Variants in FRAS1 observed in about 807,000 individuals in gnomAD.
FRAS1 encodes the protein extracellular matrix organizing protein FRAS1.
In FRAS1, 290 loss-of-function variants were observed where a neutral mutation model predicts 435.2. The observed-to-expected ratio is 0.67, with a 90% CI of 0.61 to 0.73. The LOEUF is 0.73. Ranked by LOEUF, FRAS1 falls within the 30% of genes least tolerant of loss-of-function variation. The pLI is 0.00. For synonymous variants in FRAS1, 1,800 were observed against 1,851.0 expected (o/e 0.97, Z 0.71); for missense variants, 4,860 against 5,001.5 (o/e 0.97, Z 0.85).
chr4:78,540,212 T>C (rs777480168), intron 73 of FRAS1, among the ~76,000 whole-genome samples: 2 of 152,252 alleles, frequency 1.3e-5, no homozygotes, highest in African/African-American at 2.4e-5. Context: ...ATTATTTCAC[T>C]GCTATCAATA....
chr4:78,230,465 ATTGT>A (rs139003762), intron 2 of FRAS1, among the ~76,000 whole-genome samples: 2,766 of 152,306 alleles, frequency 0.018, 66 homozygotes, highest in African/African-American at 0.048. Flanking sequence ...TAGAAAAGGT[ATTGT>A]TTATCTAAGC....
At chr4:78,463,373 TC>T (rs1719430586) in intron 47 of FRAS1, among the ~76,000 whole-genome samples, 1 of 152,210 alleles carries the variant, frequency 6.6e-6, no homozygotes, top group Non-Finnish European at 1.5e-5. Flanking sequence ...ATATTGTTTT[TC>T]CAGGTCATTT....
At chr4:78,468,857 T>TTTCCCC (rs1719618524) in intron 50 of FRAS1, among the ~76,000 whole-genome samples, 1 of 152,192 alleles carries the variant, frequency 6.6e-6, no homozygotes, top group Non-Finnish European at 1.5e-5. Context: ...AGGATCCACT[T>TTTCCCC]CTCAGGCCTG....
chr4:78,067,143 G>A (rs554950202), intron 2 of FRAS1, among the ~76,000 whole-genome samples: 18 of 152,104 alleles, frequency 1.2e-4, no homozygotes, highest in African/African-American at 4.3e-4. Context: ...ATTGTGTAGA[G>A]TACTTCATAA....
rs371775373 is a variant in FRAS1 at position 78,441,154 on chromosome 4, T to A, written c.5530-8T>A. On this transcript the variant is annotated splice_polypyrimidine_tract_variant and splice_region_variant and intron_variant, in intron 40 of 73. Coordinates refer to ENST00000512123, the MANE Select transcript of FRAS1 (RefSeq NM_025074.7). The stretch of plus-strand genomic sequence containing the variant: ...ACCAAGGACTCTCTATGTTCTTTTC[T>A]TTCTTAGGTTGATGAGGGAGGGAGA... The A allele has an allele frequency of 1.9e-6, 3 of 1,613,510 alleles. No individual in the cohort carries two copies. The African/African-American group carries it at 4.0e-5, about 22-fold the overall frequency.
intron 41 of FRAS1, among the ~76,000 whole-genome samples, chr4:78,443,676 CA>C (rs1182755148): frequency 2.0e-5 from 3 of 152,130 alleles, no homozygotes; most frequent in African/African-American, 7.2e-5. Flanking sequence ...AAGCAGGTAG[CA>C]CATTAATAAG....
chr4:78,537,295 TG>T, intron 72 of FRAS1, 95 bp downstream of exon 72: 2 of 1,129,676 alleles, frequency 1.8e-6, no homozygotes, highest in Non-Finnish European at 2.5e-6. Flanking sequence ...AGCTCACTCT[TG>T]ATATTTTCTT....
intron 26 of FRAS1, among the ~76,000 whole-genome samples, chr4:78,378,207 A>G (rs2110317127): frequency 6.6e-6 from 1 of 152,282 alleles, no homozygotes; most frequent in Non-Finnish European, 1.5e-5. Context: ...TTTACTTAGC[A>G]TAATATTTTC....
intron 2 of FRAS1, among the ~76,000 whole-genome samples, chr4:78,079,207 T>C (rs575657595): frequency 2.0e-5 from 3 of 152,248 alleles, no homozygotes; most frequent in African/African-American, 7.2e-5. Flanking sequence ...CTTTCTGTGA[T>C]TGGGGTCTCA....
chr4:78,129,774 T>C (rs1029153655), intron 2 of FRAS1, among the ~76,000 whole-genome samples: 2 of 152,212 alleles, frequency 1.3e-5, no homozygotes, highest in South Asian at 2.1e-4. Context: ...TGGTCCCTCA[T>C]TGATCTGAGG....
intron 63 of FRAS1, 33 bp downstream of exon 63, chr4:78,509,039 C>A (rs911598057): frequency 6.2e-7 from 1 of 1,603,854 alleles, no homozygotes; most frequent in Admixed American, 1.7e-5. Context: ...GGTTCTCCCT[C>A]CCTGGGAGAG....
intron 14 of FRAS1, among the ~76,000 whole-genome samples, chr4:78,294,481 T>TTA (rs1046022505): frequency 1.3e-5 from 2 of 152,280 alleles, no homozygotes; most frequent in Admixed American, 6.5e-5. Context: ...TGTTGTCGAT[T>TTA]TAGGAATATA....
chr4:78,098,573 C>G (rs988953100), intron 2 of FRAS1, among the ~76,000 whole-genome samples: 1 of 152,124 alleles, frequency 6.6e-6, no homozygotes, highest in African/African-American at 2.4e-5. Context: ...CCGCTCCTGG[C>G]AGGATAGATC....
intron 6 of FRAS1, among the ~76,000 whole-genome samples, chr4:78,262,292 C>T (rs776672677): frequency 5.3e-5 from 8 of 152,176 alleles, no homozygotes; most frequent in Non-Finnish European, 7.4e-5. Context: ...ACTCCCTCTT[C>T]TTCCCCAGCA....
chr4:78,409,988 T>C (rs1733270073), intron 31 of FRAS1, among the ~76,000 whole-genome samples: 1 of 152,216 alleles, frequency 6.6e-6, no homozygotes. Flanking sequence ...CTGAGCACAC[T>C]GAATTTCCAA....
intron 18 of FRAS1, among the ~76,000 whole-genome samples, chr4:78,328,788 G>A (rs1190939123): frequency 6.6e-6 from 1 of 152,072 alleles, no homozygotes; most frequent in African/African-American, 2.4e-5. Flanking sequence ...GGCACCAAAG[G>A]GCTACTTAAA....
chr4:78,282,982 C>G lies in FRAS1; in HGVS notation c.1255+15C>G, dbSNP rs560207755. On this transcript the variant is annotated intron_variant, in intron 12 of 73. Transcript: ENST00000512123. The stretch of plus-strand genomic sequence containing the variant: ...CTGCACATCAGGTGGGTCCATGTCT[C>G]CTCTGTTTCTACTGAGATAGTTTTA... 6.9e-7 allele frequency: 1 copy of G among 1,453,442 alleles called. No homozygotes were observed. The highest frequency in any genetic ancestry group is 2.7e-5 in the Admixed American group (1 of 36,802). The allele number at this position is 1,453,442 out of a possible 1,614,324, so 90.0% of individuals were successfully genotyped here.
At position 78,446,871 on chromosome 4, in the gene FRAS1, C is replaced by T. The variant is rs1389716946; in HGVS notation, c.6001C>T (p.Pro2001Ser). Residue 2001 changes from proline to serine, a missense_variant, in exon 43 of 74, where the codon CCT (proline) becomes TCT (serine). Transcript: ENST00000512123. Reference sequence around the variant, plus strand: ...GCTCATTTTTGTATTGACAAAAAAGCCTGACCACGGTAGGGCACGAACTGC... The same window carrying T: ...GCTCATTTTTGTATTGACAAAAAAGTCTGACCACGGTAGGGCACGAACTGC... ...NELIFVLTKK[P>S]DHGHVLWRQT... The T allele has an allele frequency of 6.2e-7, 1 of 1,608,292 alleles. No individual in the cohort carries two copies. Among genetic ancestry groups the T allele is most frequent in the Non-Finnish European group, 8.5e-7 (1 of 1,177,256 alleles).
rs367900816 is a variant in FRAS1 at position 78,327,607 on chromosome 4, C to CT, written c.2138-5660dup. On this transcript the variant is annotated intron_variant, in intron 18 of 73. Coordinates refer to ENST00000512123, the MANE Select transcript of FRAS1 (RefSeq NM_025074.7). ...TTAGTGCTTAAGCAGCTCACTTATGCTTTTTCAGAAATATATGTACTTAGC... is the reference window on the plus strand; with the variant it reads ...TTAGTGCTTAAGCAGCTCACTTATGCTTTTTTCAGAAATATATGTACTTAGC... Among the ~76,000 whole-genome samples the CT allele has an allele frequency of 2.9e-3, 449 of 152,246 alleles. 1 individual carries two copies. The highest frequency in any genetic ancestry group is 0.011 in the African/African-American group (438 of 41,552).
Sources: allele counts gnomAD v4.1 joint callset (sites outside exome capture counted in the v4.1 genomes callset), GRCh38; gene constraint gnomAD v4.1.1; transcripts MANE v1.5; gene names NCBI Gene and HGNC (gene_info 2026-07-23, HGNC 2026-07-21).